CDK14: variants seen among roughly 807,000 people sequenced by gnomAD.
CDK14 encodes the protein cyclin dependent kinase 14.
A neutral mutation model predicts 60.7 loss-of-function variants in CDK14; 34 were observed. That is an observed-to-expected ratio of 0.56 (90% CI 0.43 to 0.75). The LOEUF (loss-of-function observed/expected upper bound fraction) is 0.75, where lower values mean the gene tolerates loss of function less well. CDK14 is among the 30% of genes least tolerant of loss of function. The pLI, the probability that CDK14 is intolerant of heterozygous loss-of-function variation, is 0.00. For missense variants in CDK14, 482 were observed against 564.1 expected, an observed-to-expected ratio of 0.85 and a Z score of 1.47; for synonymous variants, 197 against 203.7, an observed-to-expected ratio of 0.97 and a Z score of 0.28.
At chr7:91,020,617 C>A (rs552069053) in intron 10 of CDK14, among the ~76,000 whole-genome samples, 14 of 152,306 alleles carry the variant, frequency 9.2e-5, no homozygotes, top group Admixed American at 2.0e-4. Flanking sequence ...CAGTTTGGTG[C>A]TTGTGTTTGA....
In CDK14 at chr7:90,863,344, C is replaced by T. The variant is rs1791068758; in HGVS notation, c.639+75C>T. On this transcript the variant is annotated intron_variant, in intron 6 of 14. Transcript: ENST00000380050. Reference sequence around the variant, plus strand: ...TTCTTATAGTGTTGTCATAGAATTTCGTTTTTAGATTGCTGTACTGAAGTT... The same window carrying T: ...TTCTTATAGTGTTGTCATAGAATTTTGTTTTTAGATTGCTGTACTGAAGTT... The T allele has an allele frequency of 9.6e-6, 8 of 836,732 alleles. No individual in the cohort carries two copies. The Admixed American group carries it at 1.2e-4, about 13-fold the overall frequency. The allele number at this position is 836,732 out of a possible 1,614,324, so 51.8% of individuals were successfully genotyped here. A position where few individuals can be genotyped will look rare whatever the true frequency, so the allele number is the denominator to read the frequency against.
rs145279951 is a variant in CDK14 at position 91,208,863 on chromosome 7, A to C, written c.*1727A>C. ...TTAAGTGCTAAGCAAGGAATTATTT[A>C]CTGATTGGTTTTAAAGAGAGCAGAA... On this transcript the variant is annotated 3_prime_UTR_variant, in exon 15 of 15. Transcript: ENST00000380050. 1 of 152,776 alleles carries C rather than the reference A, an allele frequency of 6.5e-6. No homozygotes were observed. Among genetic ancestry groups the C allele is most frequent in the African/African-American group, 2.4e-5 (1 of 41,588 alleles). The allele number at this position is 152,776 out of a possible 1,614,324, so 9.5% of individuals were successfully genotyped here. A position where few individuals can be genotyped will look rare whatever the true frequency, so the allele number is the denominator to read the frequency against.
chr7:90,786,278 C>G (rs952985160), intron 4 of CDK14, among the ~76,000 whole-genome samples: 3 of 152,168 alleles, frequency 2.0e-5, no homozygotes, highest in African/African-American at 7.2e-5. Context: ...TTTTTATTTA[C>G]CTGAATTAAC....
intron 10 of CDK14, among the ~76,000 whole-genome samples, chr7:91,006,487 A>C (rs769958765): frequency 7.9e-5 from 12 of 152,180 alleles, no homozygotes; most frequent in Non-Finnish European, 1.5e-4. Context: ...TCATTTTCTT[A>C]ATTTGATCAC....
At chr7:90,999,192 C>T (rs912682937) in intron 10 of CDK14, among the ~76,000 whole-genome samples, 2 of 152,058 alleles carry the variant, frequency 1.3e-5, no homozygotes, top group African/African-American at 4.8e-5. Context: ...TTTGGGGGAA[C>T]ACATTAAAAC....
At chr7:90,774,146 T>A (rs1804918764) in intron 4 of CDK14, among the ~76,000 whole-genome samples, 1 of 151,916 alleles carries the variant, frequency 6.6e-6, no homozygotes, top group African/African-American at 2.4e-5. Flanking sequence ...TCAAGTGATC[T>A]GCCTGCCCTG....
At chr7:91,076,313 T>G (rs1188393299) in intron 11 of CDK14, among the ~76,000 whole-genome samples, 1 of 101,608 alleles carries the variant, frequency 9.8e-6, no homozygotes, top group Non-Finnish European at 2.0e-5. Flanking sequence ...TACAGACCAA[T>G]GGAATGGAAC....
intron 14 of CDK14, among the ~76,000 whole-genome samples, chr7:91,128,443 C>A (rs1306491513): frequency 6.6e-6 from 1 of 152,032 alleles, no homozygotes; most frequent in Admixed American, 6.6e-5. Flanking sequence ...ATTGTGTGGT[C>A]CAGAAGCTGG....
chr7:90,930,538 T>TTG (rs1167313646), intron 8 of CDK14, among the ~76,000 whole-genome samples: 1 of 115,636 alleles, frequency 8.6e-6, no homozygotes, highest in Non-Finnish European at 2.2e-5. Flanking sequence ...GCTTTTTTTT[T>TTG]TTTTTTTTTT....
At chr7:90,890,186 A>G (rs1792070650) in intron 6 of CDK14, among the ~76,000 whole-genome samples, 1 of 152,264 alleles carries the variant, frequency 6.6e-6, no homozygotes, top group Non-Finnish European at 1.5e-5. Flanking sequence ...TAGCCCGGAC[A>G]ACATAGTGAG....
At chr7:91,197,830 C>G (rs188208049) in intron 14 of CDK14, among the ~76,000 whole-genome samples, 7 of 152,366 alleles carry the variant, frequency 4.6e-5, no homozygotes, top group Admixed American at 3.9e-4. Context: ...GGTGGGATAA[C>G]TAGTATCAAA....
chr7:90,846,498 A>G (rs1790474411), intron 5 of CDK14, among the ~76,000 whole-genome samples: 1 of 152,184 alleles, frequency 6.6e-6, no homozygotes, highest in South Asian at 2.1e-4. Flanking sequence ...AGACAGACTC[A>G]TTTTGTTAGA....
chr7:90,925,061 A>G (rs955700049), intron 8 of CDK14, among the ~76,000 whole-genome samples: 1 of 152,170 alleles, frequency 6.6e-6, no homozygotes, highest in Non-Finnish European at 1.5e-5. Flanking sequence ...TATTTTTACC[A>G]CATACCGGAA....
chr7:90,662,657 T>C (rs1000555283), intron 2 of CDK14, among the ~76,000 whole-genome samples: 3 of 152,248 alleles, frequency 2.0e-5, no homozygotes, highest in African/African-American at 7.2e-5. Context: ...ACTTGTAAAG[T>C]ACTTGTAACA....
At chr7:90,625,790 T>C (rs1485639012) in intron 2 of CDK14, among the ~76,000 whole-genome samples, 23 of 152,212 alleles carry the variant, frequency 1.5e-4, no homozygotes. Context: ...CGGCCAGGAA[T>C]GAGAGGAATC....
At chr7:91,069,696 T>C (rs924709717) in intron 11 of CDK14, among the ~76,000 whole-genome samples, 13 of 152,234 alleles carry the variant, frequency 8.5e-5, no homozygotes, top group Middle Eastern at 6.3e-3. Context: ...GTGAATGCTG[T>C]CTAAATAGAA....
At chr7:90,636,700 G>A (rs1800159043) in intron 2 of CDK14, among the ~76,000 whole-genome samples, 1 of 152,118 alleles carries the variant, frequency 6.6e-6, no homozygotes, top group Admixed American at 6.5e-5. Flanking sequence ...AATAGTTTCA[G>A]AAGGAATGGT....
chr7:90,791,354 G>A (rs1441864100), intron 5 of CDK14, among the ~76,000 whole-genome samples: 1 of 151,800 alleles, frequency 6.6e-6, no homozygotes, highest in Non-Finnish European at 1.5e-5. Context: ...ATAAGTTTTA[G>A]GATAAGTAGG....
At chr7:90,825,711 C>G (rs2188235) in intron 5 of CDK14, among the ~76,000 whole-genome samples, 108,975 of 151,812 alleles carry the variant, frequency 0.72, 39,320 homozygotes, top group East Asian at 0.89. Context: ...GTGTGAAGCT[C>G]AATTTTAGGG....
Sources: gnomAD v4.1 joint callset for allele counts (sites outside exome capture counted in the v4.1 genomes callset) on GRCh38, gnomAD v4.1.1 for gene constraint, MANE v1.5 for transcripts, NCBI Gene and HGNC (gene_info 2026-07-23, HGNC 2026-07-21) for gene names.